PTPRQ: variants seen among roughly 807,000 people sequenced by gnomAD.
PTPRQ encodes the protein phosphatidylinositol phosphatase PTPRQ.
Under a neutral mutation model 246.0 loss-of-function variants are expected in PTPRQ, and 199 were observed. The observed-to-expected ratio is 0.81, with a 90% CI of 0.72 to 0.91. PTPRQ has a LOEUF of 0.91. Ranked by LOEUF, PTPRQ falls within the 40% of genes least tolerant of loss-of-function variation. PTPRQ has a pLI of 0.00. For synonymous variants in PTPRQ, 869 were observed against 853.2 expected, an observed-to-expected ratio of 1.02 and a Z score of -0.32; for missense variants, 2,624 against 2,528.4, an observed-to-expected ratio of 1.04 and a Z score of -0.81.
intron 29 of PTPRQ, among the ~76,000 whole-genome samples, chr12:80,614,520 TATC>T (rs1214912745): frequency 1.3e-5 from 2 of 150,922 alleles, no homozygotes; most frequent in Admixed American, 6.6e-5. Context: ...TCAATGTAAT[TATC>T]AGGTCATTGA....
intron 25 of PTPRQ, among the ~76,000 whole-genome samples, chr12:80,555,227 T>A (rs995934150): frequency 1.3e-5 from 2 of 152,086 alleles, no homozygotes; most frequent in Non-Finnish European, 2.9e-5. Flanking sequence ...GCCCAGCTAA[T>A]TTTTTATTTA....
intron 25 of PTPRQ, among the ~76,000 whole-genome samples, chr12:80,585,535 C>G (rs1157682181): frequency 6.6e-6 from 1 of 152,134 alleles, no homozygotes; most frequent in East Asian, 1.9e-4. Flanking sequence ...CTTCTCTGCT[C>G]AAATGAAAGC....
Position 80,534,128 on chromosome 12 carries a change from A to G in PTPRQ, c.2792A>G (p.Asp931Gly). Residue 931 changes from aspartate (D) to glycine (G), a missense_variant, in exon 18 of 45, where the codon GAT (aspartate) becomes GGT (glycine). Transcript: ENST00000644991. ...AYVTASTRFG[D>G]GKTRSNIISF... Reference sequence around the variant, plus strand: ...GTAACAGCTAGCACCAGATTTGGTGATGGGAAAACAAGAAGCAATATCATT... The same window carrying G: ...GTAACAGCTAGCACCAGATTTGGTGGTGGGAAAACAAGAAGCAATATCATT... 1 of 1,542,450 alleles carries G rather than the reference A, an allele frequency of 6.5e-7. No homozygotes were observed. Among genetic ancestry groups the G allele is most frequent in the Non-Finnish European group, 8.7e-7 (1 of 1,142,864 alleles).
chr12:80,670,299 G>A (rs898685227), intron 41 of PTPRQ, 45 bp from the exon 42 acceptor site: 20 of 1,540,668 alleles, frequency 1.3e-5, no homozygotes, highest in Non-Finnish European at 1.6e-5. Flanking sequence ...CTTCATTGTG[G>A]AACTTAAATA....
chr12:80,485,867 G>A (rs959766059), intron 9 of PTPRQ, among the ~76,000 whole-genome samples: 20 of 152,126 alleles, frequency 1.3e-4, no homozygotes, highest in African/African-American at 4.1e-4. Flanking sequence ...GAAGCTAAGA[G>A]GTTCTAGAAA....
intron 7 of PTPRQ, among the ~76,000 whole-genome samples, chr12:80,469,739 CT>C (rs1428964540): frequency 1.3e-5 from 2 of 152,202 alleles, no homozygotes; most frequent in African/African-American, 2.4e-5. Context: ...AGATAATTCC[CT>C]CCACTCACCC....
At chr12:80,657,321 C>T (rs1900475826) in intron 38 of PTPRQ, among the ~76,000 whole-genome samples, 1 of 151,582 alleles carries the variant, frequency 6.6e-6, no homozygotes, top group Non-Finnish European at 1.5e-5. Flanking sequence ...GTACAAAGAA[C>T]ATAAAGTGTT....
At chr12:80,574,721 G>A (rs1897238451) in intron 25 of PTPRQ, among the ~76,000 whole-genome samples, 1 of 151,972 alleles carries the variant, frequency 6.6e-6, no homozygotes, top group Non-Finnish European at 1.5e-5. Flanking sequence ...TGCTGTTATT[G>A]TTATATTTTT....
chr12:80,473,051 A>G (rs201141360), intron 8 of PTPRQ, among the ~76,000 whole-genome samples: 68,573 of 135,900 alleles, frequency 0.5, 18,950 homozygotes, highest in Non-Finnish European at 0.66. Context: ...ACACACGCAC[A>G]CACACACACA....
intron 3 of PTPRQ, among the ~76,000 whole-genome samples, chr12:80,448,531 C>A (rs1037972278): frequency 1.3e-5 from 2 of 151,888 alleles, no homozygotes; most frequent in South Asian, 2.1e-4. Context: ...CCACTCCCCC[C>A]ACCCCACAAC....
intron 8 of PTPRQ, 148 bp downstream of exon 8, chr12:80,472,399 T>C: frequency 2.5e-6 from 3 of 1,195,112 alleles, no homozygotes; most frequent in Middle Eastern, 2.0e-4. Flanking sequence ...ATTCTGAACA[T>C]GTGTTCTCCA....
rs1410632098 is a variant in PTPRQ at position 80,445,658 on chromosome 12, CCAGA to C, written c.335_338del (p.Asp112ValfsTer47). On this transcript the variant is annotated frameshift_variant, in exon 3 of 45. Coordinates refer to ENST00000644991, the MANE Select transcript of PTPRQ (RefSeq NM_001145026.2). LOFTEE classifies it high-confidence loss of function. ...AGTATATACACAAGTCAGATCAAAG[CCAGA>C]CAGTCTGGAAGTTCTTCTTACTAAT... The C allele has an allele frequency of 2.6e-6, 4 of 1,549,832 alleles. No individual in the cohort carries two copies. The highest frequency in any genetic ancestry group is 3.5e-6 in the Non-Finnish European group (4 of 1,145,804).
intron 39 of PTPRQ, among the ~76,000 whole-genome samples, chr12:80,661,298 AT>A (rs1900623040): frequency 6.7e-6 from 1 of 148,534 alleles, no homozygotes; most frequent in Admixed American, 6.8e-5. Context: ...ATATGTCTAT[AT>A]TTTATATATG....
chr12:80,634,053 CT>C (rs769535068), intron 34 of PTPRQ, among the ~76,000 whole-genome samples: 4 of 152,212 alleles, frequency 2.6e-5, no homozygotes, highest in Non-Finnish European at 5.9e-5. Flanking sequence ...AATTCTACTT[CT>C]TTACCTCCTC....
chr12:80,552,379 C>T (rs1592644940), intron 25 of PTPRQ, among the ~76,000 whole-genome samples: 1 of 151,898 alleles, frequency 6.6e-6, no homozygotes, highest in Non-Finnish European at 1.5e-5. Context: ...TCTTTGAGAA[C>T]TGGCAAATAA....
At chr12:80,468,599 G>T in intron 6 of PTPRQ, 111 bp from the exon 7 acceptor site, 2 of 1,129,722 alleles carry the variant, frequency 1.8e-6, no homozygotes, top group Non-Finnish European at 2.3e-6. Flanking sequence ...CTGCTTTTAA[G>T]CGCGATATTT....
intron 8 of PTPRQ, among the ~76,000 whole-genome samples, chr12:80,477,688 A>G (rs571876075): frequency 2.0e-5 from 3 of 152,304 alleles, no homozygotes; most frequent in African/African-American, 4.8e-5. Context: ...TGCGAGCCGA[A>G]GCAGGGCGAG....
intron 19 of PTPRQ, among the ~76,000 whole-genome samples, chr12:80,535,869 A>G (rs551092981): frequency 6.6e-6 from 1 of 152,306 alleles, no homozygotes; most frequent in East Asian, 1.9e-4. Context: ...GCACTTTGGG[A>G]GGCCGAGGCG....
rs564476003 is a variant in PTPRQ at position 80,611,909 on chromosome 12, C to T, written c.4918+1284C>T. ...ACCTTTATTTTAGCTTTGCATTTTT[C>T]CATTTAAAATGAAATATTTGACACA... On this transcript the variant is annotated intron_variant, in intron 28 of 44. Coordinates refer to ENST00000644991, the MANE Select transcript of PTPRQ (RefSeq NM_001145026.2). Among the ~76,000 whole-genome samples, 13 of 150,494 alleles carry T rather than the reference C, an allele frequency of 8.6e-5. No individual in the cohort carries two copies. The South Asian group carries it at 2.3e-3, about 26-fold the overall frequency.
Sources: allele counts gnomAD v4.1 joint callset (sites outside exome capture counted in the v4.1 genomes callset), GRCh38; gene constraint gnomAD v4.1.1; transcripts MANE v1.5; gene names NCBI Gene and HGNC (gene_info 2026-07-23, HGNC 2026-07-21).